The following RNF144A variants were observed in gnomAD, a reference collection of about 807,000 sequenced individuals.
RNF144A encodes the protein E3 ubiquitin-protein ligase RNF144A.
In RNF144A, 11 loss-of-function variants were observed where a neutral mutation model predicts 38.7. That is an observed-to-expected ratio of 0.28 (90% CI 0.18 to 0.47). The LOEUF (loss-of-function observed/expected upper bound fraction) is 0.47. Ranked by LOEUF, RNF144A falls within the 20% of genes least tolerant of loss-of-function variation. RNF144A has a pLI of 0.99. For synonymous variants in RNF144A, 149 were observed against 143.9 expected (o/e 1.04, Z -0.25); for missense variants, 316 against 377.2 (o/e 0.84, Z 1.34).
At chr2:7,051,375 T>G (rs924422366) in intron 6 of RNF144A, among the ~76,000 whole-genome samples, 2 of 152,262 alleles carry the variant, frequency 1.3e-5, no homozygotes, top group Admixed American at 1.3e-4. Flanking sequence ...GGGGATGCAC[T>G]TTTTAAGGTT....
Position 7,030,145 on chromosome 2 carries a change from A to G in RNF144A, c.677A>G (p.His226Arg). Residue 226 changes from histidine (H) to arginine (R), a missense_variant, in exon 8 of 9, where the codon CAC (histidine) becomes CGC (arginine). His to Arg is a conservative substitution (Grantham distance 29). Transcript: ENST00000320892. ...TCACAGGATGATTTCCTTCTGATAC[A>G]CTACGATAAGGGACCCTGCCGGAAC... ...ESLDDDFLLIHYDKGPCRNKL... is the reference protein window; with the variant it reads ...ESLDDDFLLIRYDKGPCRNKL... 3 of 1,613,870 alleles carry G rather than the reference A, an allele frequency of 1.9e-6. No homozygotes were observed. Among genetic ancestry groups the G allele is most frequent in the Non-Finnish European group, 2.5e-6 (3 of 1,179,800 alleles).
rs1247360787 is a variant in RNF144A at position 6,944,436 on chromosome 2, C to T, written c.-12+3289C>T. Among the ~76,000 whole-genome samples, 1 of 152,046 alleles carries T rather than the reference C, an allele frequency of 6.6e-6. No homozygotes were observed. Among genetic ancestry groups the T allele is most frequent in the African/African-American group, 2.4e-5 (1 of 41,390 alleles). The stretch of plus-strand genomic sequence containing the variant: ...TTGCCTACTTACCCCTTTGGTGATA[C>T]TGGGAAGGCATTGCTAAGGTGTCAC... On this transcript the variant is annotated intron_variant, in intron 2 of 8. Coordinates refer to ENST00000320892, the MANE Select transcript of RNF144A (RefSeq NM_014746.6). The surrounding 1 kb of genome is among the most constrained non-coding windows in gnomAD (Gnocchi z 4.7).
intron 6 of RNF144A, among the ~76,000 whole-genome samples, chr2:7,066,665 C>T (rs1674239329): frequency 1.3e-5 from 2 of 152,136 alleles, no homozygotes; most frequent in South Asian, 4.1e-4. Flanking sequence ...CTTTAAGAAA[C>T]TAAGGTTGAC....
At chr2:7,002,990 A>G (rs991954502) in intron 3 of RNF144A, among the ~76,000 whole-genome samples, 1 of 152,194 alleles carries the variant, frequency 6.6e-6, no homozygotes, top group Non-Finnish European at 1.5e-5. Flanking sequence ...TAACAAAAAA[A>G]GTTTAAAAAA....
chr2:7,011,234 G>A (rs948996206), intron 3 of RNF144A, among the ~76,000 whole-genome samples: 26 of 152,172 alleles, frequency 1.7e-4, no homozygotes, highest in Non-Finnish European at 3.2e-4. Context: ...GCAGCTCAGC[G>A]TATTCATCAT....
intron 3 of RNF144A, among the ~76,000 whole-genome samples, chr2:7,003,316 C>T (rs1670235381): frequency 6.6e-6 from 1 of 152,158 alleles, no homozygotes; most frequent in Non-Finnish European, 1.5e-5. Flanking sequence ...TGGGCCTTCA[C>T]ATTCACTCAC....
At chr2:6,954,378 TA>T (rs1666871913) in intron 2 of RNF144A, among the ~76,000 whole-genome samples, 1 of 152,214 alleles carries the variant, frequency 6.6e-6, no homozygotes, top group South Asian at 2.1e-4. Context: ...AAGAAAGCCT[TA>T]AATTCTCAGT....
chr2:7,069,148 A>G (rs1046628236), downstream of RNF144A, among the ~76,000 whole-genome samples: 1 of 152,146 alleles, frequency 6.6e-6, no homozygotes, highest in Non-Finnish European at 1.5e-5. Context: ...GTAGGTGTTG[A>G]GTTGGGGATA....
intron 2 of RNF144A, among the ~76,000 whole-genome samples, chr2:6,987,367 T>C (rs905748370): frequency 6.6e-6 from 1 of 151,322 alleles, no homozygotes; most frequent in Non-Finnish European, 1.5e-5. Flanking sequence ...GTTTCTGGGG[T>C]GTGTGTGTGT....
At chr2:6,971,880 A>T (rs1043737997) in intron 2 of RNF144A, among the ~76,000 whole-genome samples, 3 of 152,062 alleles carry the variant, frequency 2.0e-5, no homozygotes, top group African/African-American at 7.2e-5. Context: ...TACAATGTTT[A>T]TTTCTAGATT....
At chr2:6,934,187 C>T (rs962855797) in intron 1 of RNF144A, among the ~76,000 whole-genome samples, 17 of 152,102 alleles carry the variant, frequency 1.1e-4, no homozygotes, top group African/African-American at 3.6e-4. Context: ...TCAACAGTAT[C>T]GAGGTTTTTC....
chr2:6,940,177 T>A (rs1489574289), intron 1 of RNF144A, among the ~76,000 whole-genome samples: 1 of 152,248 alleles, frequency 6.6e-6, no homozygotes, highest in Non-Finnish European at 1.5e-5. Flanking sequence ...AAGGTGTTGC[T>A]ATCTTAGCAA....
intron 3 of RNF144A, among the ~76,000 whole-genome samples, chr2:7,003,432 C>G (rs1208176803): frequency 6.6e-6 from 1 of 152,152 alleles, no homozygotes. Flanking sequence ...TTTTAAACCT[C>G]TTCTATGTTT....
At chr2:7,074,654 C>T in the RNF144A span, 1 of 152,036 alleles carries the variant, frequency 6.6e-6, no homozygotes, top group Non-Finnish European at 1.5e-5. Flanking sequence ...GGGTTATAAG[C>T]TTTGTGGGGA....
rs1022788000 is a variant in RNF144A, at chr2:6,981,334, C to CT, written c.-11-15572dup. ...CAAATTTTCTAAACTTTTATCTCTG[C>CT]TTTTTTTTTTAAAACATAAGTTTCA... On this transcript the variant is annotated intron_variant, in intron 2 of 8. Transcript: ENST00000320892. Among the ~76,000 whole-genome samples, 469 of 148,828 alleles carry CT rather than the reference C, an allele frequency of 3.2e-3. 7 individuals are homozygous for CT. Among genetic ancestry groups the CT allele is most frequent in the Admixed American group, 0.023 (350 of 14,918 alleles).
chr2:7,036,530 A>G (rs1403439511), intron 8 of RNF144A, among the ~76,000 whole-genome samples: 1 of 152,222 alleles, frequency 6.6e-6, no homozygotes, highest in Non-Finnish European at 1.5e-5. Flanking sequence ...CACTGAGATC[A>G]GTGAAATAGG....
chr2:6,992,583 C>T (rs1387999224), intron 2 of RNF144A, among the ~76,000 whole-genome samples: 4 of 152,126 alleles, frequency 2.6e-5, no homozygotes, highest in African/African-American at 9.7e-5. Flanking sequence ...CAGGGACTTG[C>T]TGGAGGAAGG....
chr2:6,919,410 TA>T (rs1338437566), intron 1 of RNF144A, among the ~76,000 whole-genome samples: 1 of 152,252 alleles, frequency 6.6e-6, no homozygotes, highest in Non-Finnish European at 1.5e-5. Flanking sequence ...TTTTTGTTTT[TA>T]TTTTTAAAGC....
In RNF144A at chr2:7,042,793, T is replaced by C. The variant is rs2103466268; in HGVS notation, c.*3033T>C. On this transcript the variant is annotated 3_prime_UTR_variant, in exon 9 of 9. Coordinates refer to ENST00000320892, the MANE Select transcript of RNF144A (RefSeq NM_014746.6). ...CGGATTGCAGGAATAACTGTCCAAATTAGTTCTTCCTCCTCAACTCATAGG... is the reference window on the plus strand; with the variant it reads ...CGGATTGCAGGAATAACTGTCCAAACTAGTTCTTCCTCCTCAACTCATAGG... The C allele has an allele frequency of 1.0e-6, 1 of 985,430 alleles. No homozygotes were observed. The highest frequency in any genetic ancestry group is 1.2e-6 in the Non-Finnish European group (1 of 829,884). 61.0% of individuals were successfully genotyped at this position (985,430 alleles called of 1,614,324 possible). A position where few individuals can be genotyped will look rare whatever the true frequency, so the allele number is the denominator to read the frequency against.
Sources: allele counts gnomAD v4.1 joint callset (sites outside exome capture counted in the v4.1 genomes callset), GRCh38; gene constraint gnomAD v4.1.1; non-coding constraint Gnocchi (gnomAD v3.1); transcripts MANE v1.5; gene names NCBI Gene and HGNC (gene_info 2026-07-23, HGNC 2026-07-21).